PKD1L1: variants seen among roughly 807,000 people sequenced by gnomAD.
PKD1L1 encodes the protein polycystin 1 like 1, transient receptor potential channel interacting, also known as polycystin-1-like protein 1.
PKD1L1 carries 236 observed loss-of-function variants against 323.4 expected under a neutral mutation model. The ratio of observed to expected loss-of-function variants is 0.73; its 90% CI spans 0.66 to 0.81. The LOEUF (loss-of-function observed/expected upper bound fraction) is 0.81. Among genes scored for constraint, PKD1L1 ranks in the 40% least tolerant of loss-of-function variants. PKD1L1 has a pLI of 0.00. For missense variants in PKD1L1, 3,320 were observed against 3,508.0 expected, an observed-to-expected ratio of 0.95 and a Z score of 1.35; for synonymous variants, 1,344 against 1,335.0, an observed-to-expected ratio of 1.01 and a Z score of -0.15.
intron 15 of PKD1L1, among the ~76,000 whole-genome samples, chr7:47,893,100 C>T (rs1036360128): frequency 1.3e-5 from 2 of 151,636 alleles, no homozygotes; most frequent in African/African-American, 4.8e-5. Context: ...CATGGTGGCG[C>T]GCATCTGTAG....
intron 54 of PKD1L1, 100 bp downstream of exon 54, chr7:47,800,549 T>C (rs1199890512): frequency 4.2e-6 from 5 of 1,199,672 alleles, no homozygotes; most frequent in Non-Finnish European, 6.0e-6. Flanking sequence ...AGATCTGGCC[T>C]GTGTTGCCTG....
At chr7:47,854,842 T>C (rs1306243853) in intron 30 of PKD1L1, 40 bp downstream of exon 30, 2 of 1,599,796 alleles carry the variant, frequency 1.3e-6, no homozygotes, top group Admixed American at 1.7e-5. Context: ...GGACAATATG[T>C]CTTACTCCAA....
At chr7:47,949,368 C>CAAAAAAAAAAAAAAAA (rs58131581), upstream of PKD1L1, among the ~76,000 whole-genome samples, 196 of 57,118 alleles carry the variant, frequency 3.4e-3, 23 homozygotes, top group African/African-American at 0.012. Context: ...GGCTCTGTCT[C>CAAAAAAAAAAAAAAAA]AAAAAAAAAA....
chr7:47,834,163 G>C (rs1364638242), intron 40 of PKD1L1, among the ~76,000 whole-genome samples, 176 bp downstream of exon 40: 1 of 152,220 alleles, frequency 6.6e-6, no homozygotes, highest in East Asian at 1.9e-4. Flanking sequence ...CCTCCCTCTA[G>C]GGAGGACGGC....
intron 7 of PKD1L1, among the ~76,000 whole-genome samples, chr7:47,928,283 G>C (rs115138989): frequency 4.0e-5 from 6 of 151,504 alleles, no homozygotes; most frequent in East Asian, 1.9e-4. Flanking sequence ...ACAAAAGGCC[G>C]GGGGGGAAGG....
chr7:47,796,073 G>A lies in PKD1L1; in HGVS notation c.8271C>T (p.Val2757=), dbSNP rs1465985464. 6.2e-7 allele frequency: 1 copy of A among 1,611,564 alleles called. No individual in the cohort carries two copies. Among genetic ancestry groups the A allele is most frequent in the Non-Finnish European group, 8.5e-7 (1 of 1,178,360 alleles). ...QSKSFVRLKD[V]TAYMWEKVLT... ...GGACCTTTTCCCACATATAAGCAGT[G>A]ACATCTTTAAGTCTCACAAAAGATT... Residue 2757 remains valine, a synonymous_variant, in exon 55 of 57, where the codon GTC becomes GTT. Transcript: ENST00000289672.
At chr7:47,925,675 A>G (rs1054513055) in intron 7 of PKD1L1, among the ~76,000 whole-genome samples, 1 of 152,186 alleles carries the variant, frequency 6.6e-6, no homozygotes, top group African/African-American at 2.4e-5. Flanking sequence ...GACCAGCATT[A>G]ACATTTAAAC....
In PKD1L1 at chr7:47,905,735, C is replaced by T. The variant is rs1460165599; in HGVS notation, c.1522+108G>A. Reference sequence around the variant, plus strand: ...AACCTGTTCAATGACAAATGGGGCTCTCCAGCAGAGCCGATAACAAAACCT... The same window carrying T: ...AACCTGTTCAATGACAAATGGGGCTTTCCAGCAGAGCCGATAACAAAACCT... On this transcript the variant is annotated intron_variant, in intron 10 of 56. Coordinates refer to ENST00000289672, the MANE Select transcript of PKD1L1 (RefSeq NM_138295.5). 2.0e-6 allele frequency: 3 copies of T among 1,471,336 alleles called. No homozygotes were observed. The African/African-American group carries it at 4.3e-5, about 21-fold the overall frequency. 91.1% of individuals were successfully genotyped at this position (1,471,336 alleles called of 1,614,324 possible).
intron 12 of PKD1L1, 37 bp from the exon 13 acceptor site, chr7:47,902,548 T>C (rs760054528): frequency 4.6e-5 from 74 of 1,604,908 alleles, no homozygotes; most frequent in Middle Eastern, 1.7e-4. Context: ...AACAAATTTA[T>C]GTTGATGAAC....
At chr7:47,866,866 T>C (rs562416725) in intron 24 of PKD1L1, among the ~76,000 whole-genome samples, 1 of 152,262 alleles carries the variant, frequency 6.6e-6, no homozygotes, top group East Asian at 1.9e-4. Context: ...GATACTAATA[T>C]AGAAGCATCA....
Position 47,830,128 on chromosome 7 carries a change from C to T in PKD1L1, c.6474-4G>A. 1 of 1,613,246 alleles carries T rather than the reference C, an allele frequency of 6.2e-7. No individual in the cohort carries two copies. Among genetic ancestry groups the T allele is most frequent in the East Asian group, 2.2e-5 (1 of 44,870 alleles). On this transcript the variant is annotated splice_region_variant and splice_polypyrimidine_tract_variant and intron_variant, in intron 42 of 56. Transcript: ENST00000289672. ...CACACATTGCTCCTGGCCAAACCTG[C>T]CCCCAGGGAAAGTGCAGTGGTCAGC... is the stretch of plus-strand genomic sequence containing the variant.
At chr7:47,908,014 G>T in intron 9 of PKD1L1, 63 bp downstream of exon 9, 1 of 1,499,398 alleles carries the variant, frequency 6.7e-7, no homozygotes, top group Non-Finnish European at 9.0e-7. Context: ...TAAGTAAAGC[G>T]GAGATACCCT....
intron 15 of PKD1L1, among the ~76,000 whole-genome samples, chr7:47,893,537 A>T (rs902862598): frequency 6.6e-6 from 1 of 152,176 alleles, no homozygotes; most frequent in Admixed American, 6.5e-5. Context: ...AGCCTCCAGC[A>T]ACAAGAGACC....
rs1787716269 is a variant in PKD1L1, at chr7:47,929,310, C to T, written c.954G>A (p.Glu318=). The T allele has an allele frequency of 6.2e-7, 1 of 1,614,032 alleles. No individual in the cohort carries two copies. Among genetic ancestry groups the T allele is most frequent in the Admixed American group, 1.7e-5 (1 of 59,992 alleles). Residue 318 remains glutamate, a synonymous_variant, in exon 7 of 57, where the codon GAG becomes GAA. Coordinates refer to ENST00000289672, the MANE Select transcript of PKD1L1 (RefSeq NM_138295.5). ...CGAAATCCATCATCAGACAGAGAGCCTCTCCAGAAGCCATATGAACACGGA... is the reference window on the plus strand; with the variant it reads ...CGAAATCCATCATCAGACAGAGAGCTTCTCCAGAAGCCATATGAACACGGA... ...LGFRVHMASG[E]ALCLMMDFGD... is the part of the protein sequence containing the mutation.
In PKD1L1 at chr7:47,908,706, T is replaced by C. The variant is rs192596907; in HGVS notation, c.1229-456A>G. ...AATGGTCCCAAACCCTTATCCGTTT[T>C]TCACACACTTACAATACAACTATAA... On this transcript the variant is annotated intron_variant, in intron 8 of 56. Transcript: ENST00000289672. Among the ~76,000 whole-genome samples the C allele has an allele frequency of 1.5e-4, 23 of 152,358 alleles. No homozygotes were observed. In the East Asian group the frequency reaches 3.5e-3, roughly 23 times the overall value.
rs1788108441 is a variant in PKD1L1 at position 47,946,885 on chromosome 7, T to A, written c.44+1512A>T. On this transcript the variant is annotated intron_variant, in intron 1 of 56. Transcript: ENST00000289672. The surrounding 1 kb of genome is among the most constrained non-coding windows in gnomAD (Gnocchi z 4.1). ...CTAGTTGGTCTGCAAGTACAAGATG[T>A]ATAAATATACAGGGGAAAAAACATC... Among the ~76,000 whole-genome samples the A allele has an allele frequency of 9.4e-5, 13 of 138,870 alleles. No individual in the cohort carries two copies. The highest frequency in any genetic ancestry group is 8.9e-4 in the Admixed American group (13 of 14,668). The allele number at this position is 138,870 out of a possible 152,430, so 91.1% of individuals were successfully genotyped here. A position where few individuals can be genotyped will look rare whatever the true frequency, so the allele number is the denominator to read the frequency against.
rs200682838 is a variant in PKD1L1, at chr7:47,923,150, C to T, written c.1060+6054G>A. Among the ~76,000 whole-genome samples, 18 of 152,090 alleles carry T rather than the reference C, an allele frequency of 1.2e-4. No homozygotes were observed. In the East Asian group the frequency reaches 2.9e-3, roughly 25 times the overall value. ...TGAAGGCAGCATACTCGTTAAGAGTCGTCACCACTCCCTAATCTCAAGTAC... is the reference window on the plus strand; with the variant it reads ...TGAAGGCAGCATACTCGTTAAGAGTTGTCACCACTCCCTAATCTCAAGTAC... On this transcript the variant is annotated intron_variant, in intron 7 of 56. Coordinates refer to ENST00000289672, the MANE Select transcript of PKD1L1 (RefSeq NM_138295.5).
chr7:47,854,813 T>A, intron 30 of PKD1L1, 69 bp downstream of exon 30: 2 of 1,523,824 alleles, frequency 1.3e-6, no homozygotes, highest in Non-Finnish European at 1.8e-6. Flanking sequence ...ACTGATTTTT[T>A]GTCACAAAAC....
chr7:47,851,025 A>C (rs893747426), intron 31 of PKD1L1, among the ~76,000 whole-genome samples: 1 of 152,204 alleles, frequency 6.6e-6, no homozygotes, highest in African/African-American at 2.4e-5. Context: ...AATGGGAGAA[A>C]GTAATAAGGA....
Sources: gnomAD v4.1 joint callset for allele counts (sites outside exome capture counted in the v4.1 genomes callset) on GRCh38, gnomAD v4.1.1 for gene constraint, Gnocchi (gnomAD v3.1) non-coding constraint, MANE v1.5 for transcripts, NCBI Gene and HGNC (gene_info 2026-07-23, HGNC 2026-07-21) for gene names.